TNFRSF19: variants seen among roughly 807,000 people sequenced by gnomAD.
TNFRSF19 encodes the protein tumor necrosis factor receptor superfamily member 19.
In TNFRSF19, 27 loss-of-function variants were observed where a neutral mutation model predicts 46.4. The ratio of observed to expected loss-of-function variants is 0.58; its 90% CI spans 0.43 to 0.80. The LOEUF (loss-of-function observed/expected upper bound fraction) is 0.80. Among genes scored for constraint, TNFRSF19 ranks in the 30% least tolerant of loss-of-function variants. TNFRSF19 has a pLI of 0.00. For synonymous variants in TNFRSF19, 204 were observed against 205.0 expected (o/e 1.00, Z 0.04); for missense variants, 511 against 530.8 (o/e 0.96, Z 0.37).
intron 5 of TNFRSF19, among the ~76,000 whole-genome samples, chr13:23,636,425 C>T (rs1359938599): frequency 6.6e-6 from 1 of 152,142 alleles, no homozygotes; most frequent in Non-Finnish European, 1.5e-5. Context: ...TGCAGAAACA[C>T]ATCTCTCCCA....
chr13:23,636,857 C>T (rs545892259), intron 5 of TNFRSF19, among the ~76,000 whole-genome samples: 1 of 152,324 alleles, frequency 6.6e-6, no homozygotes, highest in African/African-American at 2.4e-5. Flanking sequence ...TTAGCTGGCA[C>T]AGTAGATGTA....
At chr13:23,586,257 C>CTAA (rs1878825892) in intron 1 of TNFRSF19, among the ~76,000 whole-genome samples, 1 of 91,952 alleles carries the variant, frequency 1.1e-5, no homozygotes, top group Non-Finnish European at 2.1e-5. Context: ...GACTCCGTCT[C>CTAA]AAAAAAAAAA....
chr13:23,670,720 C>T (rs1252970976), intron 9 of TNFRSF19, among the ~76,000 whole-genome samples: 2 of 152,220 alleles, frequency 1.3e-5, no homozygotes, highest in Non-Finnish European at 2.9e-5. Flanking sequence ...AAGCAGAGAG[C>T]GTCCACTGAC....
intron 7 of TNFRSF19, among the ~76,000 whole-genome samples, chr13:23,662,822 G>A (rs1405707444): frequency 5.9e-5 from 9 of 152,152 alleles, no homozygotes; most frequent in Non-Finnish European, 1.2e-4. Flanking sequence ...TGGCTTGGCC[G>A]TTGTTGGTGT....
intron 7 of TNFRSF19, among the ~76,000 whole-genome samples, chr13:23,665,690 CTTAGTACATCAATGT>C (rs1199885228): frequency 6.6e-6 from 1 of 152,132 alleles, no homozygotes; most frequent in Non-Finnish European, 1.5e-5. Flanking sequence ...CCCTCTACCC[CTTAGTACATCAATGT>C]TTGCTTCCTA....
At chr13:23,575,034 A>T (rs1877865397) in intron 1 of TNFRSF19, among the ~76,000 whole-genome samples, 1 of 152,208 alleles carries the variant, frequency 6.6e-6, no homozygotes, top group Non-Finnish European at 1.5e-5. Flanking sequence ...TCTGATAAAG[A>T]TAGTTTTCTC....
chr13:23,638,560 A>G (rs949795555), intron 5 of TNFRSF19, among the ~76,000 whole-genome samples: 16 of 152,234 alleles, frequency 1.1e-4, no homozygotes, highest in Non-Finnish European at 2.2e-4. Context: ...GGTGGGCAGC[A>G]GGTCTCTAGA....
chr13:23,628,685 A>G (rs1450325641), intron 5 of TNFRSF19, among the ~76,000 whole-genome samples: 2 of 152,068 alleles, frequency 1.3e-5, no homozygotes, highest in Non-Finnish European at 2.9e-5. Context: ...TAGATCTCAC[A>G]TGTAACTTTT....
At chr13:23,666,420 T>G (rs753410149) in intron 7 of TNFRSF19, among the ~76,000 whole-genome samples, 1 of 152,254 alleles carries the variant, frequency 6.6e-6, no homozygotes, top group Non-Finnish European at 1.5e-5. Context: ...GTTCTCCATT[T>G]ATGTATTTAT....
intron 5 of TNFRSF19, among the ~76,000 whole-genome samples, chr13:23,636,333 G>C (rs1195861135): frequency 3.3e-5 from 5 of 152,136 alleles, no homozygotes; most frequent in African/African-American, 1.2e-4. Context: ...TAAAATTCTT[G>C]GTATTGGAAT....
intron 1 of TNFRSF19, among the ~76,000 whole-genome samples, chr13:23,580,670 A>G (rs1002239483): frequency 6.6e-6 from 1 of 152,276 alleles, no homozygotes; most frequent in Admixed American, 6.5e-5. Context: ...AGGGGTGAGA[A>G]TTGAGTCCTA....
At chr13:23,574,120 G>GTTAC (rs1389113368) in intron 1 of TNFRSF19, among the ~76,000 whole-genome samples, 1 of 149,124 alleles carries the variant, frequency 6.7e-6, no homozygotes, top group Admixed American at 6.7e-5. Context: ...TTTTAATTTA[G>GTTAC]TTACTAATAA....
At chr13:23,615,844 CT>C in intron 3 of TNFRSF19, 22 bp from the exon 4 acceptor site, 1 of 1,560,400 alleles carries the variant, frequency 6.4e-7, no homozygotes, top group Non-Finnish European at 8.7e-7. Context: ...GAATAGCTTT[CT>C]GTTACCCGTT....
intron 5 of TNFRSF19, among the ~76,000 whole-genome samples, chr13:23,628,827 A>G (rs986384986): frequency 1.3e-5 from 2 of 152,188 alleles, no homozygotes; most frequent in Non-Finnish European, 2.9e-5. Flanking sequence ...GAAACTTTTT[A>G]GAAAGCAAGG....
At chr13:23,616,272 A>G (rs1881281362) in intron 4 of TNFRSF19, among the ~76,000 whole-genome samples, 1 of 152,202 alleles carries the variant, frequency 6.6e-6, no homozygotes, top group African/African-American at 2.4e-5. Flanking sequence ...ATGCTAACAA[A>G]GGATTTCTGT....
At chr13:23,649,047 G>A (rs1038912637) in intron 5 of TNFRSF19, among the ~76,000 whole-genome samples, 1 of 152,068 alleles carries the variant, frequency 6.6e-6, no homozygotes, top group African/African-American at 2.4e-5. Flanking sequence ...TTCCCTCATG[G>A]CAGCTTTATC....
At chr13:23,627,696 G>A (rs1037617098) in intron 5 of TNFRSF19, among the ~76,000 whole-genome samples, 5 of 152,118 alleles carry the variant, frequency 3.3e-5, no homozygotes, top group Non-Finnish European at 7.4e-5. Context: ...TGCCTTTCTG[G>A]GGAGCATTGT....
intron 5 of TNFRSF19, among the ~76,000 whole-genome samples, chr13:23,637,917 G>T (rs1284826256): frequency 2.0e-5 from 3 of 152,254 alleles, no homozygotes; most frequent in Admixed American, 6.5e-5. Flanking sequence ...CCAAAATGGA[G>T]CCTGGCACTC....
intron 1 of TNFRSF19, among the ~76,000 whole-genome samples, chr13:23,589,037 G>A (rs1032549796): frequency 2.6e-5 from 4 of 152,194 alleles, no homozygotes; most frequent in African/African-American, 7.2e-5. Context: ...GGTTGTTGTC[G>A]TTGTTGTTTT....
Sources: allele counts gnomAD v4.1 joint callset (sites outside exome capture counted in the v4.1 genomes callset), GRCh38; gene constraint gnomAD v4.1.1; transcripts MANE v1.5; gene names NCBI Gene and HGNC (gene_info 2026-07-23, HGNC 2026-07-21).